The following ACOT9 variants were observed in gnomAD, a reference collection of about 807,000 sequenced individuals.
The protein encoded by ACOT9 is acyl-CoA thioesterase 9.
Under a neutral mutation model 39.7 loss-of-function variants are expected in ACOT9, and 34 were observed. The ratio of observed to expected loss-of-function variants is 0.86; its 90% CI spans 0.65 to 1.14. The LOEUF is 1.14. ACOT9 is among the 50% of genes most tolerant of loss of function. The pLI is 0.00. For missense variants in ACOT9, 313 were observed against 344.1 expected (o/e 0.91, Z 0.71); for synonymous variants, 110 against 120.5 (o/e 0.91, Z 0.57).
At position 23,703,927 on chromosome X, in the gene ACOT9, C is replaced by T; in HGVS notation, c.1314G>A (p.Ala438=). The T allele has an allele frequency of 3.3e-6, 4 of 1,211,158 alleles. No individual in the cohort carries two copies. Among genetic ancestry groups the T allele is most frequent in the Non-Finnish European group, 4.5e-6 (4 of 895,221 alleles). The change falls in exon 16 of 16, where the codon GCG becomes GCA. Residue 438 remains alanine, a synonymous_variant. Transcript: ENST00000379303. ...QRHFNSMSGP[A]TLRKDYLVEP ...CCACAAGGTAGTCCTTTCTCAAGGT[C>T]GCTGGGCCACTCATGGAGTTGAAAT...
chrX:23,712,106 A>C (rs1267743237), intron 9 of ACOT9, among the ~76,000 whole-genome samples: 1 of 111,683 alleles, frequency 9.0e-6, no homozygotes, highest in Non-Finnish European at 1.9e-5. Flanking sequence ...GATTTAAGAG[A>C]TTGCACAACT....
intron 6 of ACOT9, among the ~76,000 whole-genome samples, chrX:23,725,455 A>C (rs1362365433): frequency 1.2e-5 from 1 of 83,654 alleles, no homozygotes; most frequent in Non-Finnish European, 2.2e-5. Context: ...TAGGTGACAG[A>C]GTGAGACTCT....
chrX:23,731,373 A>C (rs1481707571), intron 4 of ACOT9, among the ~76,000 whole-genome samples: 2 of 108,586 alleles, frequency 1.8e-5, no homozygotes, highest in Non-Finnish European at 3.8e-5. Context: ...GCTACTTGGT[A>C]GGCTGAGGCA....
intron 15 of ACOT9, among the ~76,000 whole-genome samples, chrX:23,704,337 A>AT (rs749027257): frequency 3.1e-3 from 276 of 88,702 alleles, no homozygotes; most frequent in South Asian, 9.4e-3. Context: ...TGCCCGGCTA[A>AT]TTTTTTTTTT....
chrX:23,717,269 C>G (rs977149173), intron 8 of ACOT9, among the ~76,000 whole-genome samples: 5 of 111,009 alleles, frequency 4.5e-5, no homozygotes, highest in Non-Finnish European at 9.4e-5. Flanking sequence ...AGATTGGAGC[C>G]GTGAGCCACT....
intron 13 of ACOT9, 45 bp from the exon 14 acceptor site, chrX:23,705,125 G>C (rs1197158712): frequency 9.2e-7 from 1 of 1,085,620 alleles, no homozygotes; most frequent in South Asian, 1.9e-5. Context: ...GCAAAATTCA[G>C]ATGATCTCAA....
intron 6 of ACOT9, 39 bp from the exon 7 acceptor site, chrX:23,722,792 A>G: frequency 1.1e-6 from 1 of 942,075 alleles, no homozygotes; most frequent in Non-Finnish European, 1.5e-6. Flanking sequence ...TTAAAAAGGC[A>G]GAATTATTTC....
intron 6 of ACOT9, among the ~76,000 whole-genome samples, chrX:23,723,411 C>G (rs1929388483): frequency 1.8e-5 from 2 of 109,572 alleles, no homozygotes; most frequent in South Asian, 3.9e-4. Context: ...GTCGAGAGAT[C>G]GAGACCATCC....
intron 14 of ACOT9, 46 bp downstream of exon 14, chrX:23,704,947 C>T (rs757425951): frequency 7.7e-6 from 9 of 1,176,405 alleles, no homozygotes; most frequent in African/African-American, 1.8e-5. Context: ...CTTCTAGGCT[C>T]AAATGAAAAA....
In ACOT9 at chrX:23,703,683, T is replaced by C. The variant is rs891850997; in HGVS notation, c.*211A>G. On this transcript the variant is annotated 3_prime_UTR_variant, in exon 16 of 16. Transcript: ENST00000379303. Reference sequence around the variant, plus strand: ...GGTAGGTTCACAATTAAAATTGTCTTGAAAGTATTTATTGTTTAATAATTC... The same window carrying C: ...GGTAGGTTCACAATTAAAATTGTCTCGAAAGTATTTATTGTTTAATAATTC... The C allele has an allele frequency of 1.8e-5, 6 of 328,135 alleles. No homozygotes were observed. The highest frequency in any genetic ancestry group is 2.7e-5 in the Non-Finnish European group (5 of 188,070). 27.0% of individuals were successfully genotyped at this position (328,135 alleles called of 1,213,427 possible).
intron 6 of ACOT9, among the ~76,000 whole-genome samples, chrX:23,723,806 A>G (rs1332418891): frequency 9.0e-6 from 1 of 111,132 alleles, no homozygotes; most frequent in African/African-American, 3.3e-5. Context: ...AATAAACTCC[A>G]TTTAAAAGTC....
chrX:23,731,099 A>T, intron 4 of ACOT9, 113 bp from the exon 5 acceptor site: 1 of 543,735 alleles, frequency 1.8e-6, no homozygotes, highest in Non-Finnish European at 2.8e-6. Context: ...GTCTGGGCCT[A>T]CTTTCACCTT....
Position 23,704,702 on chromosome X carries a change from G to A in ACOT9, c.1250C>T (p.Thr417Ile), listed in dbSNP as rs766154649. The change falls in exon 15 of 16, where the codon ACA becomes ATA. Residue 417 changes from threonine to isoleucine, a missense_variant. By Grantham distance (89) the Thr-to-Ile change is moderately conservative (BLOSUM62 -1). Coordinates refer to ENST00000379303, the MANE Select transcript of ACOT9 (RefSeq NM_001037171.2). The part of the protein sequence containing the change: ...EKEVPLVFPK[T>I]YGESMLYLDG... ...CAATAATCACTACTTACCTCCATAT[G>A]TTTTTGGGAAAACCAATGGCACTTC... 2 of 1,211,203 alleles carry A rather than the reference G, an allele frequency of 1.7e-6. No homozygotes were observed. The highest frequency in any genetic ancestry group is 2.2e-6 in the Non-Finnish European group (2 of 895,013).
chrX:23,733,072 G>A lies in ACOT9; in HGVS notation c.191+100C>T, dbSNP rs749834267. ...ACTTCTCAACCTATCTCTGAACATA[G>A]GGCTCCCCATCCCCACTGTGAGACC... On this transcript the variant is annotated intron_variant, in intron 4 of 15. Transcript: ENST00000379303. 664 of 793,140 alleles carry A rather than the reference G, an allele frequency of 8.4e-4. 6 individuals are homozygous for A. The highest frequency in any genetic ancestry group is 1.1e-4 in the Non-Finnish European group (61 of 544,820). 65.4% of individuals were successfully genotyped at this position (793,140 alleles called of 1,213,427 possible). A position where few individuals can be genotyped will look rare whatever the true frequency, so the allele number is the denominator to read the frequency against.
chrX:23,723,466 T>G (rs996152658), intron 6 of ACOT9, among the ~76,000 whole-genome samples: 9 of 108,411 alleles, frequency 8.3e-5, no homozygotes, highest in African/African-American at 2.7e-4. Context: ...ATACAAAAAT[T>G]AGCCGGGCGT....
Position 23,729,989 on chromosome X carries a change from T to C in ACOT9, c.400+538A>G, listed in dbSNP as rs745601512. 1.1e-4 allele frequency among the ~76,000 whole-genome samples: 12 copies of C among 111,670 alleles called. No individual in the cohort carries two copies. The South Asian group carries it at 4.0e-3, about 38-fold the overall frequency. ...TTCTGTAAGTTTAAGACTTTCTTTT[T>C]TTAAAGTTACTAGTAAGAAAGATTA... On this transcript the variant is annotated intron_variant, in intron 6 of 15. Coordinates refer to ENST00000379303, the MANE Select transcript of ACOT9 (RefSeq NM_001037171.2).
In ACOT9 at chrX:23,702,071, TCA is replaced by T. The variant is rs10694335; in HGVS notation, c.*1821_*1822del. Among the ~76,000 whole-genome samples the T allele has an allele frequency of 4.7e-5, 5 of 105,277 alleles. No homozygotes were observed. Among genetic ancestry groups the T allele is most frequent in the African/African-American group, 6.9e-5 (2 of 28,852 alleles). 91.4% of individuals were successfully genotyped at this position (105,277 alleles called of 115,157 possible). A position where few individuals can be genotyped will look rare whatever the true frequency, so the allele number is the denominator to read the frequency against. ...TGGAGCGACAGAGTGAAACTCTGTC[TCA>T]CACACACACACACACACAAAAATAC... On this transcript the variant is annotated 3_prime_UTR_variant, in exon 16 of 16. Coordinates refer to ENST00000379303, the MANE Select transcript of ACOT9 (RefSeq NM_001037171.2).
intron 3 of ACOT9, 21 bp from the exon 4 acceptor site, chrX:23,733,238 T>C: frequency 8.4e-7 from 1 of 1,194,655 alleles, no homozygotes; most frequent in East Asian, 3.0e-5. Context: ...AATAAAGAGG[T>C]CATTCCATGA....
In ACOT9 at chrX:23,742,245, A is replaced by AGAGAGAGAGAGAGAGG. The variant is rs1920979225; in HGVS notation, c.20+879_20+880insCCTCTCTCTCTCTCTC. On this transcript the variant is annotated intron_variant, in intron 1 of 15. Transcript: ENST00000379303. ...GAGAGAGAGAGAGAGAGGGAGAGAG[A>AGAGAGAGAGAGAGAGG]GAGAGAGAGAGATATCCAGGACCCC... 4.0e-5 allele frequency among the ~76,000 whole-genome samples: 2 copies of AGAGAGAGAGAGAGAGG among 49,435 alleles called. 1 individual carries two copies. Among genetic ancestry groups the AGAGAGAGAGAGAGAGG allele is most frequent in the African/African-American group, 2.1e-4 (2 of 9,385 alleles). The allele number at this position is 49,435 out of a possible 115,157, so 42.9% of individuals were successfully genotyped here.
Sources: allele counts gnomAD v4.1 joint callset (sites outside exome capture counted in the v4.1 genomes callset), GRCh38; gene constraint gnomAD v4.1.1; transcripts MANE v1.5; gene names NCBI Gene and HGNC (gene_info 2026-07-23, HGNC 2026-07-21).